The following DNAH14 variants were observed in gnomAD, a reference collection of about 807,000 sequenced individuals.
The protein encoded by DNAH14 is axonemal beta dynein heavy chain 14.
In DNAH14, 478 loss-of-function variants were observed where a neutral mutation model predicts 520.9. The ratio of observed to expected loss-of-function variants is 0.92; its 90% CI spans 0.85 to 0.99. DNAH14 has a LOEUF of 0.99. DNAH14 is among the 50% of genes least tolerant of loss of function. The pLI is 0.00. For synonymous variants in DNAH14, 1,581 were observed against 1,757.2 expected, an observed-to-expected ratio of 0.90 and a Z score of 2.51; for missense variants, 4,831 against 5,234.5, an observed-to-expected ratio of 0.92 and a Z score of 2.38.
intron 26 of DNAH14, 35 bp from the exon 27 acceptor site, chr1:225,123,492 G>T: frequency 2.6e-6 from 1 of 387,650 alleles, no homozygotes; most frequent in South Asian, 2.3e-5. Context: ...CAATGATTAA[G>T]TATAAATAAC....
rs1407244110 is a variant in DNAH14 at position 225,085,772 on chromosome 1, C to T, written c.3556C>T (p.His1186Tyr). ...ACTTGCAACAATTAAAGGATCTCCC[C>T]ACATTGGGCCCATTAAGGTAAGTAT... ...VILATIKGSP[H>Y]IGPIKDLVNE... The change falls in exon 21 of 86, where the codon CAC (histidine) becomes TAC (tyrosine). Residue 1186 changes from histidine to tyrosine, a missense_variant. Transcript: ENST00000682510. The T allele has an allele frequency of 1.9e-6, 3 of 1,546,556 alleles. No individual in the cohort carries two copies. Among genetic ancestry groups the T allele is most frequent in the Non-Finnish European group, 2.6e-6 (3 of 1,145,512 alleles).
At chr1:225,119,893 C>T (rs1008310958) in intron 26 of DNAH14, among the ~76,000 whole-genome samples, 4 of 152,054 alleles carry the variant, frequency 2.6e-5, no homozygotes, top group Admixed American at 1.3e-4. Flanking sequence ...TTCTGAAGGC[C>T]AATACAAGGT....
intron 7 of DNAH14, among the ~76,000 whole-genome samples, 165 bp from the exon 8 acceptor site, chr1:224,973,926 T>C (rs1451819314): frequency 6.6e-6 from 1 of 152,174 alleles, no homozygotes; most frequent in East Asian, 1.9e-4. Context: ...ATTCTGTTGA[T>C]AGTTTGGGAG....
intron 41 of DNAH14, 107 bp from the exon 42 acceptor site, chr1:225,230,966 T>G (rs2091050922): frequency 2.9e-6 from 2 of 684,028 alleles, no homozygotes; most frequent in South Asian, 5.0e-5. Flanking sequence ...AAAGATATTC[T>G]ATGATAATTC....
At chr1:225,375,182 T>A (rs968603363) in intron 78 of DNAH14, among the ~76,000 whole-genome samples, 2 of 152,164 alleles carry the variant, frequency 1.3e-5, no homozygotes, top group African/African-American at 4.8e-5. Flanking sequence ...TCACTTGATA[T>A]ATGTTTCTCA....
chr1:225,353,821 A>G lies in DNAH14; in HGVS notation c.11552A>G (p.Asn3851Ser), dbSNP rs2095399707. 6.6e-7 allele frequency: 1 copy of G among 1,509,698 alleles called. No individual in the cohort carries two copies. The allele number at this position is 1,509,698 out of a possible 1,614,324, so 93.5% of individuals were successfully genotyped here. ...TATCTAGCTGAACTTTTGAATGAAA[A>G]TAAAGAAACGTGTAATCCTATAAAT... The part of the protein sequence containing the change: ...PPEETELLNE[N>S]KETCNPINFP... Residue 3851 changes from asparagine to serine, a missense_variant, in exon 73 of 86, where the codon AAT becomes AGT. Physicochemically the swap from Asn to Ser is conservative, Grantham distance 46 (BLOSUM62 1). Coordinates refer to ENST00000682510, the MANE Select transcript of DNAH14 (RefSeq NM_001367479.1).
chr1:225,388,254 G>C (rs2095864408), intron 81 of DNAH14, 125 bp from the exon 82 acceptor site: 1 of 538,928 alleles, frequency 1.9e-6, no homozygotes. Context: ...AGTTGGAAAA[G>C]GACATCCTCC....
At chr1:225,258,184 A>T (rs2092807856) in intron 45 of DNAH14, 66 bp downstream of exon 45, 1 of 1,337,758 alleles carries the variant, frequency 7.5e-7, no homozygotes. Context: ...TATTTGGTCT[A>T]ACTATCTTAT....
intron 66 of DNAH14, among the ~76,000 whole-genome samples, chr1:225,335,822 C>T (rs779391530): frequency 1.7e-5 from 2 of 115,090 alleles, no homozygotes; most frequent in Admixed American, 8.5e-5. Flanking sequence ...TATGTACATA[C>T]ACATATGTAC....
chr1:225,300,814 G>A, intron 55 of DNAH14, 55 bp from the exon 56 acceptor site: 2 of 1,506,214 alleles, frequency 1.3e-6, no homozygotes, highest in Non-Finnish European at 1.8e-6. Flanking sequence ...GATGTGGTTA[G>A]GGTAGAATAT....
chr1:225,322,075 T>C (rs1269513809), intron 61 of DNAH14, among the ~76,000 whole-genome samples: 2 of 141,896 alleles, frequency 1.4e-5, no homozygotes, highest in East Asian at 4.2e-4. Context: ...ACTTTTCTTT[T>C]TTTTTCTTTC....
chr1:225,115,857 C>T (rs1387340640), intron 23 of DNAH14, among the ~76,000 whole-genome samples: 1 of 152,150 alleles, frequency 6.6e-6, no homozygotes, highest in Non-Finnish European at 1.5e-5. Flanking sequence ...AAGACATATT[C>T]CCTGCTATTA....
At chr1:225,357,711 A>G (rs2095446136) in intron 73 of DNAH14, 1 of 684,176 alleles carries the variant, frequency 1.5e-6, no homozygotes, top group Non-Finnish European at 2.7e-6. Context: ...AATATTTGAC[A>G]GTTTTTGAAA....
chr1:225,276,270 T>A (rs1052773033), intron 53 of DNAH14, among the ~76,000 whole-genome samples, 189 bp downstream of exon 53: 11 of 152,158 alleles, frequency 7.2e-5, no homozygotes, highest in African/African-American at 2.7e-4. Flanking sequence ...TACCTTCATA[T>A]TTTAAAGCAG....
chr1:225,316,665 C>T (rs914230686), intron 60 of DNAH14, among the ~76,000 whole-genome samples: 5 of 152,130 alleles, frequency 3.3e-5, no homozygotes, highest in African/African-American at 1.2e-4. Flanking sequence ...CTTCAGTTCT[C>T]CCTCCATGGG....
chr1:225,355,422 AT>A (rs1296171265), intron 73 of DNAH14, among the ~76,000 whole-genome samples: 1 of 152,038 alleles, frequency 6.6e-6, no homozygotes, highest in Non-Finnish European at 1.5e-5. Flanking sequence ...TGACAGGCTA[AT>A]TTTTTAAGAG....
chr1:224,978,487 G>A (rs750477471), intron 8 of DNAH14, among the ~76,000 whole-genome samples: 1 of 152,162 alleles, frequency 6.6e-6, no homozygotes, highest in Non-Finnish European at 1.5e-5. Flanking sequence ...TAAAACTGTG[G>A]TTATTAGATG....
chr1:225,086,302 G>A (rs1372674368), intron 21 of DNAH14, among the ~76,000 whole-genome samples: 1 of 61,114 alleles, frequency 1.6e-5, no homozygotes, highest in East Asian at 3.9e-4. Flanking sequence ...CCGGCTAATT[G>A]TTTGTATTTT....
intron 44 of DNAH14, among the ~76,000 whole-genome samples, chr1:225,257,138 A>C (rs2092764628): frequency 6.6e-6 from 1 of 152,214 alleles, no homozygotes; most frequent in Admixed American, 6.5e-5. Context: ...AGGACCTAAA[A>C]GTTAGGTGAA....
Sources: allele counts gnomAD v4.1 joint callset (sites outside exome capture counted in the v4.1 genomes callset), GRCh38; gene constraint gnomAD v4.1.1; transcripts MANE v1.5; gene names NCBI Gene and HGNC (gene_info 2026-07-23, HGNC 2026-07-21).